Variants in KCND2 observed in about 807,000 individuals in gnomAD.
The protein encoded by KCND2 is potassium voltage-gated channel subfamily D member 2.
In KCND2, 16 loss-of-function variants were observed where a neutral mutation model predicts 54.4. The observed-to-expected ratio is 0.29, with a 90% confidence interval of 0.20 to 0.45. KCND2 has a LOEUF of 0.45. KCND2 is among the 20% of genes least tolerant of loss of function. The pLI is 1.00. For synonymous variants in KCND2, 317 were observed against 310.7 expected (o/e 1.02, Z -0.21); for missense variants, 486 against 824.2 (o/e 0.59, Z 5.02).
chr7:120,456,655 C>T (rs1802205266), intron 1 of KCND2, among the ~76,000 whole-genome samples: 1 of 152,136 alleles, frequency 6.6e-6, no homozygotes, highest in Non-Finnish European at 1.5e-5. Context: ...AATATACTTA[C>T]TCTGCTATTT....
chr7:120,532,271 G>C (rs1791851961), intron 1 of KCND2, among the ~76,000 whole-genome samples: 1 of 151,870 alleles, frequency 6.6e-6, no homozygotes, highest in Non-Finnish European at 1.5e-5. Flanking sequence ...GATATAGCTA[G>C]AGAGAAATCA....
At chr7:120,293,178 G>A (rs1216714487) in intron 1 of KCND2, among the ~76,000 whole-genome samples, 1 of 151,832 alleles carries the variant, frequency 6.6e-6, no homozygotes, top group African/African-American at 2.4e-5. Context: ...TGTATTGTTT[G>A]TGTGCTACCT....
In KCND2 at chr7:120,275,098, A is replaced by G. The variant is rs1352274411; in HGVS notation, c.466A>G (p.Thr156Ala). The G allele has an allele frequency of 1.2e-6, 2 of 1,613,438 alleles. No individual in the cohort carries two copies. The highest frequency in any genetic ancestry group is 1.7e-5 in the Admixed American group (1 of 59,994). Residue 156 changes from threonine to alanine, a missense_variant, in exon 1 of 6, where the codon ACC becomes GCC. Thr to Ala is a moderately conservative substitution (Grantham distance 58). This residue lies in a region of KCND2 where 231 missense variants were observed against 386.0 expected (regional missense o/e 0.60). Transcript: ENST00000331113. ...CCTGCAGGACGACGCGGATACCGAC[A>G]CCGCTGGGGAGAGCGCCTTGCCCAC... ...ERLQDDADTDTAGESALPTMT... is the reference protein window; with the variant it reads ...ERLQDDADTDAAGESALPTMT...
chr7:120,597,658 T>C (rs1792762492), intron 1 of KCND2, among the ~76,000 whole-genome samples: 1 of 152,170 alleles, frequency 6.6e-6, no homozygotes, highest in Non-Finnish European at 1.5e-5. Context: ...AATTACACCA[T>C]GACTAACAAA....
intron 1 of KCND2, among the ~76,000 whole-genome samples, chr7:120,532,853 T>C (rs1791858865): frequency 6.6e-6 from 1 of 151,902 alleles, no homozygotes; most frequent in Non-Finnish European, 1.5e-5. Context: ...CACAGGGAAA[T>C]ATAAAATGAA....
intron 1 of KCND2, among the ~76,000 whole-genome samples, chr7:120,402,268 A>C (rs1047194250): frequency 6.6e-6 from 1 of 152,096 alleles, no homozygotes. Flanking sequence ...GATGAAAGGA[A>C]CTTAAATTAA....
chr7:120,371,591 C>G (rs1800766970), intron 1 of KCND2, among the ~76,000 whole-genome samples: 1 of 152,014 alleles, frequency 6.6e-6, no homozygotes, highest in Non-Finnish European at 1.5e-5. Flanking sequence ...TTCACATTCA[C>G]TCAATGTTCA....
At chr7:120,525,492 T>G (rs771147570) in intron 1 of KCND2, among the ~76,000 whole-genome samples, 40 of 152,202 alleles carry the variant, frequency 2.6e-4, no homozygotes, top group Non-Finnish European at 1.5e-4. Context: ...GAAGCTGGTG[T>G]AAGTGAAATA....
chr7:120,409,090 A>G (rs1584766772), intron 1 of KCND2, among the ~76,000 whole-genome samples: 1 of 152,068 alleles, frequency 6.6e-6, no homozygotes, highest in East Asian at 1.9e-4. Context: ...AATAAGACCA[A>G]GGAAACATAT....
chr7:120,617,911 G>C (rs948083039), intron 1 of KCND2, among the ~76,000 whole-genome samples: 1 of 152,148 alleles, frequency 6.6e-6, no homozygotes, highest in African/African-American at 2.4e-5. Flanking sequence ...ATTAATGCAA[G>C]AAGAGAAAAC....
chr7:120,371,953 G>A (rs183520560), intron 1 of KCND2, among the ~76,000 whole-genome samples: 1 of 151,956 alleles, frequency 6.6e-6, no homozygotes, highest in African/African-American at 2.4e-5. Context: ...ATATAACCGT[G>A]TATACCACCT....
At chr7:120,552,441 A>C (rs941922725) in intron 1 of KCND2, among the ~76,000 whole-genome samples, 1 of 152,250 alleles carries the variant, frequency 6.6e-6, no homozygotes, top group African/African-American at 2.4e-5. Flanking sequence ...AGAGAAAAGC[A>C]TACAAATGTA....
chr7:120,681,432 A>T (rs1792138511), intron 1 of KCND2, among the ~76,000 whole-genome samples: 1 of 151,932 alleles, frequency 6.6e-6, no homozygotes, highest in Non-Finnish European at 1.5e-5. Flanking sequence ...ATTCCAACTA[A>T]ACACATGTGC....
intron 1 of KCND2, among the ~76,000 whole-genome samples, chr7:120,554,976 A>G (rs187831756): frequency 3.4e-4 from 52 of 152,292 alleles, no homozygotes; most frequent in African/African-American, 1.2e-3. Flanking sequence ...AAAATCTATG[A>G]AGTCCTGATT....
intron 1 of KCND2, among the ~76,000 whole-genome samples, chr7:120,695,067 A>G (rs926719805): frequency 6.6e-6 from 1 of 152,166 alleles, no homozygotes; most frequent in African/African-American, 2.4e-5. Context: ...AAAGTTTGCA[A>G]ATTCCTTAGG....
chr7:120,537,199 A>T (rs1411614922), intron 1 of KCND2, among the ~76,000 whole-genome samples: 1 of 152,002 alleles, frequency 6.6e-6, no homozygotes, highest in Non-Finnish European at 1.5e-5. Context: ...CTTCTTGTAC[A>T]TTTCTCTCAG....
intron 1 of KCND2, among the ~76,000 whole-genome samples, chr7:120,593,224 A>G (rs945094697): frequency 2.6e-5 from 4 of 152,174 alleles, no homozygotes; most frequent in African/African-American, 4.8e-5. Flanking sequence ...TTGGAACCCA[A>G]ATAAGATGCA....
chr7:120,604,766 C>G (rs1481155551), intron 1 of KCND2, among the ~76,000 whole-genome samples: 1 of 150,554 alleles, frequency 6.6e-6, no homozygotes, highest in Admixed American at 6.6e-5. Context: ...CAGAATGTAA[C>G]AAGAAAAATT....
intron 1 of KCND2, among the ~76,000 whole-genome samples, chr7:120,649,624 T>G (rs1791700639): frequency 6.6e-6 from 1 of 152,172 alleles, no homozygotes; most frequent in African/African-American, 2.4e-5. Flanking sequence ...GTTTTTTTCT[T>G]GTAAATTTGT....
Sources: allele counts gnomAD v4.1 joint callset (sites outside exome capture counted in the v4.1 genomes callset), GRCh38; gene constraint gnomAD v4.1.1; regional missense constraint gnomAD v4.1.1; transcripts MANE v1.5; gene names NCBI Gene and HGNC (gene_info 2026-07-23, HGNC 2026-07-21).